The following DPYD variants were observed in gnomAD, a reference collection of about 807,000 sequenced individuals.
The protein encoded by DPYD is dihydropyrimidine dehydrogenase, also known as dihydropyrimidine dehydrogenase [NADP(+)].
DPYD carries 109 observed loss-of-function variants against 116.2 expected under a neutral mutation model. The ratio of observed to expected loss-of-function variants is 0.94; its 90% CI spans 0.80 to 1.10. The LOEUF is 1.10. Among genes scored for constraint, DPYD ranks in the 50% least tolerant of loss-of-function variants. The pLI, the probability that DPYD is intolerant of heterozygous loss-of-function variation, is 0.00. For synonymous variants in DPYD, 440 were observed against 432.0 expected, an observed-to-expected ratio of 1.02 and a Z score of -0.23; for missense variants, 1,302 against 1,254.5, an observed-to-expected ratio of 1.04 and a Z score of -0.57.
intron 8 of DPYD, among the ~76,000 whole-genome samples, chr1:97,649,368 G>T (rs956103528): frequency 6.6e-6 from 1 of 152,024 alleles, no homozygotes; most frequent in Non-Finnish European, 1.5e-5. Context: ...GTGAGGGTTA[G>T]CAAATTTTAG....
chr1:97,591,017 C>CTT (rs1346253929), intron 10 of DPYD, among the ~76,000 whole-genome samples: 1 of 152,204 alleles, frequency 6.6e-6, no homozygotes, highest in Non-Finnish European at 1.5e-5. Context: ...TCTGTCCTCT[C>CTT]TTACTCTATT....
At chr1:97,279,423 A>G (rs1282204701) in intron 18 of DPYD, among the ~76,000 whole-genome samples, 1 of 152,120 alleles carries the variant, frequency 6.6e-6, no homozygotes, top group Non-Finnish European at 1.5e-5. Context: ...TGGTATATAG[A>G]GCCAATTGGA....
chr1:97,441,937 G>A (rs917273162), intron 14 of DPYD, among the ~76,000 whole-genome samples: 1 of 152,088 alleles, frequency 6.6e-6, no homozygotes, highest in African/African-American at 2.4e-5. Context: ...ACTTAATTAA[G>A]AGTCTTATTT....
chr1:97,112,236 G>T (rs982167641), intron 20 of DPYD, among the ~76,000 whole-genome samples: 33 of 151,942 alleles, frequency 2.2e-4, no homozygotes, highest in African/African-American at 7.5e-4. Context: ...CATCCCTTCA[G>T]CAAACCATTT....
At chr1:97,162,464 C>A (rs1655991807) in intron 20 of DPYD, among the ~76,000 whole-genome samples, 2 of 152,048 alleles carry the variant, frequency 1.3e-5, no homozygotes, top group Non-Finnish European at 2.9e-5. Context: ...CAAACCACTG[C>A]TCAATGAAAT....
intron 12 of DPYD, among the ~76,000 whole-genome samples, chr1:97,530,108 C>T (rs912350651): frequency 6.6e-6 from 1 of 151,936 alleles, no homozygotes; most frequent in African/African-American, 2.4e-5. Context: ...CTTCATTTGG[C>T]ATGTCTTCCC....
At chr1:97,337,115 G>A (rs956157279) in intron 16 of DPYD, among the ~76,000 whole-genome samples, 1 of 152,154 alleles carries the variant, frequency 6.6e-6, no homozygotes, top group African/African-American at 2.4e-5. Flanking sequence ...ATAGACAAGT[G>A]TATTGAGAGG....
chr1:97,846,854 T>G (rs778659812), intron 2 of DPYD, among the ~76,000 whole-genome samples: 2 of 152,176 alleles, frequency 1.3e-5, no homozygotes, highest in African/African-American at 4.8e-5. Flanking sequence ...CTTCTCAAAA[T>G]GTACAACTAA....
intron 21 of DPYD, among the ~76,000 whole-genome samples, chr1:97,086,352 GTTTT>G (rs35514561): frequency 1.4e-5 from 2 of 143,870 alleles, no homozygotes; most frequent in African/African-American, 5.1e-5. Context: ...GCCTGGCCAA[GTTTT>G]TTTTTTTTTT....
chr1:97,527,795 A>G (rs1435933596), intron 12 of DPYD, among the ~76,000 whole-genome samples: 6 of 21,846 alleles, frequency 2.7e-4, no homozygotes, highest in African/African-American at 7.8e-4. Flanking sequence ...TGAAATTTGG[A>G]AAAAAAAAAA....
At chr1:97,328,148 C>A (rs1426490746) in intron 16 of DPYD, among the ~76,000 whole-genome samples, 1 of 152,110 alleles carries the variant, frequency 6.6e-6, no homozygotes, top group Non-Finnish European at 1.5e-5. Context: ...CTATGTCTTG[C>A]TCACATACAG....
chr1:97,142,397 G>A (rs971226054), intron 20 of DPYD, among the ~76,000 whole-genome samples: 3 of 151,902 alleles, frequency 2.0e-5, no homozygotes, highest in African/African-American at 4.8e-5. Context: ...CCTTCATATG[G>A]TTCTACTACA....
At chr1:97,724,952 A>C (rs1663150888) in intron 4 of DPYD, among the ~76,000 whole-genome samples, 1 of 97,496 alleles carries the variant, frequency 1.0e-5, no homozygotes, top group South Asian at 3.8e-4. Flanking sequence ...GGAGGGAAGG[A>C]AAGAGAGAGA....
intron 16 of DPYD, among the ~76,000 whole-genome samples, chr1:97,366,028 G>A (rs1249024396): frequency 1.3e-5 from 2 of 151,992 alleles, no homozygotes; most frequent in African/African-American, 4.8e-5. Flanking sequence ...AGATTTAAAC[G>A]GTGTTGCTTT....
At chr1:97,252,771 G>A (rs1663195140) in intron 18 of DPYD, among the ~76,000 whole-genome samples, 1 of 152,110 alleles carries the variant, frequency 6.6e-6, no homozygotes, top group Non-Finnish European at 1.5e-5. Context: ...GCAATCCAGT[G>A]TAAATAGGGC....
At chr1:97,435,681 GT>G (rs778724824) in intron 14 of DPYD, among the ~76,000 whole-genome samples, 19 of 151,878 alleles carry the variant, frequency 1.3e-4, no homozygotes, top group South Asian at 6.2e-4. Context: ...GTTAAGTATT[GT>G]TTTTTATAAG....
intron 10 of DPYD, among the ~76,000 whole-genome samples, chr1:97,590,555 T>G (rs1020547316): frequency 2.6e-5 from 4 of 152,220 alleles, no homozygotes; most frequent in Admixed American, 2.0e-4. Context: ...AAAATTTGGT[T>G]AATTGTAAGC....
intron 5 of DPYD, among the ~76,000 whole-genome samples, chr1:97,702,378 A>T (rs1221964471): frequency 6.6e-6 from 1 of 151,792 alleles, no homozygotes; most frequent in African/African-American, 2.4e-5. Flanking sequence ...GATATAGCTA[A>T]TTTTATTTAG....
chr1:97,363,969 C>A lies in DPYD; in HGVS notation c.2058+9592G>T, dbSNP rs1197447797. ...TTATACGTATAAAAAATGATAATGA[C>A]CTCTAGTTCCATCCATGTTGCTACA... On this transcript the variant is annotated intron_variant, in intron 16 of 22. Transcript: ENST00000370192. 3.3e-5 allele frequency among the ~76,000 whole-genome samples: 5 copies of A among 152,166 alleles called. No homozygotes were observed. In the South Asian group the frequency reaches 8.3e-4, roughly 25 times the overall value.
Sources: gnomAD v4.1 joint callset for allele counts (sites outside exome capture counted in the v4.1 genomes callset) on GRCh38, gnomAD v4.1.1 for gene constraint, MANE v1.5 for transcripts, NCBI Gene and HGNC (gene_info 2026-07-23, HGNC 2026-07-21) for gene names.